The following TNK2 variants were observed in gnomAD, a reference collection of about 807,000 sequenced individuals.
The protein encoded by TNK2 is tyrosine kinase non receptor 2, also known as activated CDC42 kinase 1.
A neutral mutation model predicts 101.8 loss-of-function variants in TNK2; 83 were observed. The observed-to-expected ratio is 0.82, with a 90% confidence interval of 0.68 to 0.98. The LOEUF (loss-of-function observed/expected upper bound fraction) is 0.98. TNK2 is among the 50% of genes least tolerant of loss of function. The pLI is 0.00. For missense variants in TNK2, 1,665 were observed against 1,483.2 expected (o/e 1.12, Z -2.01); for synonymous variants, 804 against 633.0 (o/e 1.27, Z -4.06).
At chr3:195,898,724 C>CA (rs1760909359) in intron 1 of TNK2, among the ~76,000 whole-genome samples, 2 of 152,158 alleles carry the variant, frequency 1.3e-5, no homozygotes, top group South Asian at 4.1e-4. Flanking sequence ...CTCCTGGGCT[C>CA]AAGTGACCCT....
chr3:195,886,677 G>A lies in TNK2; in HGVS notation c.234+300C>T, dbSNP rs906270830. On this transcript the variant is annotated intron_variant, in intron 3 of 15. Coordinates refer to ENST00000672887, the MANE Select transcript of TNK2 (RefSeq NM_001382273.1). This position sits in a 1 kb window ranked among gnomAD's most constrained non-coding sequence, Gnocchi z 4.2. ...GGCCCCAACGCTCAGACACAGCAGG[G>A]CTAAGTTAAGGCACACTTGTCAATG... Among the ~76,000 whole-genome samples, 2 of 152,156 alleles carry A rather than the reference G, an allele frequency of 1.3e-5. No individual in the cohort carries two copies. Among genetic ancestry groups the A allele is most frequent in the Non-Finnish European group, 2.9e-5 (2 of 68,024 alleles).
chr3:195,888,809 G>A lies in TNK2; in HGVS notation c.-18-203C>T, dbSNP rs1757215234. On this transcript the variant is annotated intron_variant, in intron 1 of 15. Transcript: ENST00000672887. The surrounding 1 kb of genome is among the most constrained non-coding windows in gnomAD (Gnocchi z 5.3). Reference sequence around the variant, plus strand: ...AGCCACAGGGCACAATTAGGGCGGCGGAGATACAGCCCTGGCCCTGGAGTC... The same window carrying A: ...AGCCACAGGGCACAATTAGGGCGGCAGAGATACAGCCCTGGCCCTGGAGTC... Among the ~76,000 whole-genome samples the A allele has an allele frequency of 6.6e-6, 1 of 152,072 alleles. No individual in the cohort carries two copies. The highest frequency in any genetic ancestry group is 6.6e-5 in the Admixed American group (1 of 15,262).
chr3:195,891,090 T>G (rs1384643123), intron 1 of TNK2, among the ~76,000 whole-genome samples: 1 of 152,280 alleles, frequency 6.6e-6, no homozygotes, highest in Non-Finnish European at 1.5e-5. Flanking sequence ...AGGTTATATA[T>G]TTCTATTAAC....
intron 14 of TNK2, 64 bp from the exon 15 acceptor site, chr3:195,867,080 G>C: frequency 1.2e-6 from 2 of 1,608,210 alleles, no homozygotes; most frequent in African/African-American, 1.3e-5. Flanking sequence ...GGGGAAGAGG[G>C]GAGTCGGAGC....
At chr3:195,869,475 C>A in intron 12 of TNK2, 22 bp downstream of exon 12, 1 of 1,549,994 alleles carries the variant, frequency 6.5e-7, no homozygotes. Flanking sequence ...GGGGCCAAGG[C>A]ATCGGAAGCA....
chr3:195,897,571 G>A (rs1051622662), intron 1 of TNK2, among the ~76,000 whole-genome samples: 19 of 152,172 alleles, frequency 1.2e-4, no homozygotes, highest in African/African-American at 4.3e-4. Flanking sequence ...GTGCGATCTT[G>A]GCTCACTGCA....
intron 1 of TNK2, among the ~76,000 whole-genome samples, chr3:195,889,387 G>A (rs189123845): frequency 1.8e-4 from 27 of 152,288 alleles, no homozygotes; most frequent in African/African-American, 6.5e-4. Context: ...GGTAATATAT[G>A]CACGTGGTAA....
At chr3:195,884,630 C>T (rs1397631430) in intron 4 of TNK2, 182 bp downstream of exon 4, 8 of 601,120 alleles carry the variant, frequency 1.3e-5, no homozygotes, top group South Asian at 9.5e-5. Flanking sequence ...GGCGACAGAG[C>T]GAGACTCCAT....
chr3:195,869,181 C>T (rs914020030), intron 12 of TNK2: 16 of 560,692 alleles, frequency 2.9e-5, no homozygotes, highest in East Asian at 5.9e-5. Flanking sequence ...GCCCAGACAG[C>T]GCCTGCAGGT....
chr3:195,877,526 T>C (rs893287747), intron 9 of TNK2, among the ~76,000 whole-genome samples: 1 of 152,156 alleles, frequency 6.6e-6, no homozygotes, highest in Admixed American at 6.5e-5. Context: ...TTTCCTCCAC[T>C]TCACTCTTCT....
At chr3:195,868,908 T>C in intron 12 of TNK2, 199 bp from the exon 13 acceptor site, 1 of 607,120 alleles carries the variant, frequency 1.6e-6, no homozygotes. Context: ...CGGAACCTGC[T>C]CTGCCCGGCA....
chr3:195,869,264 G>A (rs1044747425), intron 12 of TNK2: 8 of 604,570 alleles, frequency 1.3e-5, no homozygotes, highest in African/African-American at 7.4e-5. Context: ...GGTCTGGGAG[G>A]GAGTGAGGCC....
rs1756924364 is a variant in TNK2, at chr3:195,888,097, G to A, written c.163+329C>T. 2.0e-5 allele frequency among the ~76,000 whole-genome samples: 3 copies of A among 149,802 alleles called. No homozygotes were observed. Among genetic ancestry groups the A allele is most frequent in the South Asian group, 2.1e-4 (1 of 4,828 alleles). On this transcript the variant is annotated intron_variant, in intron 2 of 15. Transcript: ENST00000672887. This position sits in a 1 kb window ranked among gnomAD's most constrained non-coding sequence, Gnocchi z 5.3. ...ACAGATCTCTGCACATGGACCCCCC[G>A]GTAGTCAGAATGATGAGAACAGACT...
Position 195,863,543 on chromosome 3 carries a change from C to A in TNK2, c.*638G>T, listed in dbSNP as rs1055980886. ...CCTTGGTCTCCTTCCAGCCCTGGGG[C>A]CTTGGGCCCTGGTCCCCGCCAGAGA... On this transcript the variant is annotated 3_prime_UTR_variant, in exon 16 of 16. Transcript: ENST00000672887. 1 of 152,704 alleles carries A rather than the reference C, an allele frequency of 6.5e-6. No individual in the cohort carries two copies. Among genetic ancestry groups the A allele is most frequent in the African/African-American group, 2.4e-5 (1 of 41,444 alleles). The allele number at this position is 152,704 out of a possible 1,614,324, so 9.5% of individuals were successfully genotyped here. A position where few individuals can be genotyped will look rare whatever the true frequency, so the allele number is the denominator to read the frequency against.
At chr3:195,897,777 C>T (rs1447348053) in intron 1 of TNK2, among the ~76,000 whole-genome samples, 3 of 150,964 alleles carry the variant, frequency 2.0e-5, no homozygotes, top group Non-Finnish European at 3.0e-5. Flanking sequence ...GCTGGGATTA[C>T]AGGCATGAGC....
At chr3:195,889,840 C>T (rs1757652452) in intron 1 of TNK2, among the ~76,000 whole-genome samples, 2 of 152,214 alleles carry the variant, frequency 1.3e-5, no homozygotes, top group South Asian at 4.1e-4. Context: ...AGCCCCGGAC[C>T]CATGCTCAAT....
chr3:195,887,558 CTAAG>C (rs1313802442), intron 2 of TNK2, among the ~76,000 whole-genome samples: 16 of 152,204 alleles, frequency 1.1e-4, no homozygotes, highest in Non-Finnish European at 1.8e-4. Context: ...GCTATTTTAA[CTAAG>C]TCAGTGTCTA....
chr3:195,880,273 T>C (rs1172879199), intron 6 of TNK2, among the ~76,000 whole-genome samples: 3 of 152,112 alleles, frequency 2.0e-5, no homozygotes, highest in African/African-American at 7.2e-5. Context: ...CCTGGGCCTG[T>C]CTACCACTAG....
intron 1 of TNK2, among the ~76,000 whole-genome samples, chr3:195,904,751 C>T (rs1019613208): frequency 6.6e-6 from 1 of 152,054 alleles, no homozygotes; most frequent in African/African-American, 2.4e-5. Context: ...GTATCATTTA[C>T]AATAGCATAA....
Sources: allele counts gnomAD v4.1 joint callset (sites outside exome capture counted in the v4.1 genomes callset), GRCh38; gene constraint gnomAD v4.1.1; non-coding constraint Gnocchi (gnomAD v3.1); transcripts MANE v1.5; gene names NCBI Gene and HGNC (gene_info 2026-07-23, HGNC 2026-07-21).